The following RRAGC variants were observed in gnomAD, a reference collection of about 807,000 sequenced individuals.
RRAGC encodes ras-related GTP-binding protein C.
A neutral mutation model predicts 37.1 loss-of-function variants in RRAGC; 8 were observed. The ratio of observed to expected loss-of-function variants is 0.22; its 90% CI spans 0.13 to 0.39. The LOEUF (loss-of-function observed/expected upper bound fraction) is 0.39. RRAGC is among the 10% of genes least tolerant of loss of function. The probability of loss-of-function intolerance (pLI) is 1.00; values close to 1 mark genes in which losing one functional copy is unlikely to be tolerated. For synonymous variants in RRAGC, 190 were observed against 181.1 expected, an observed-to-expected ratio of 1.05 and a Z score of -0.39; for missense variants, 342 against 497.6, an observed-to-expected ratio of 0.69 and a Z score of 2.98.
At position 38,855,855 on chromosome 1, in the gene RRAGC, T is replaced by C; in HGVS notation, c.494A>G (p.Tyr165Cys). 1.2e-6 allele frequency: 2 copies of C among 1,613,996 alleles called. No homozygotes were observed. The highest frequency in any genetic ancestry group is 1.7e-6 in the Non-Finnish European group (2 of 1,179,848). Residue 165 changes from tyrosine (Y) to cysteine (C), a missense_variant, in exon 3 of 7, where the codon TAC becomes TGC. Tyr to Cys is a radical substitution (Grantham distance 194, BLOSUM62 -2). Transcript: ENST00000373001. ...TRLHITVSKA[Y>C]KVNPDMNFEV... is the part of the protein sequence containing the mutation. The stretch of plus-strand genomic sequence containing the variant: ...AAAATTCATGTCTGGGTTAACTTTG[T>C]AGGCTTTAGAAACAGTAATGTGAAG...
At chr1:38,859,316 A>C in intron 1 of RRAGC, 94 bp downstream of exon 1, 1 of 1,149,608 alleles carries the variant, frequency 8.7e-7, no homozygotes, top group East Asian at 2.6e-5. Flanking sequence ...GACGGAGCGC[A>C]GGCGGGCCCC....
intron 1 of RRAGC, among the ~76,000 whole-genome samples, chr1:38,857,812 T>C (rs1347187631): frequency 2.0e-5 from 3 of 151,904 alleles, no homozygotes; most frequent in Non-Finnish European, 4.4e-5. Context: ...ATACCAAAAT[T>C]AGTCGGGCGT....
chr1:38,850,512 TAATAAATA>T (rs3072435), intron 5 of RRAGC, among the ~76,000 whole-genome samples: 3,078 of 147,878 alleles, frequency 0.021, 102 homozygotes, highest in African/African-American at 0.069. Context: ...AGACTCCGTT[TAATAAATA>T]AATAAATAAA....
chr1:38,854,030 C>CTTCA (rs1187847925), intron 3 of RRAGC, among the ~76,000 whole-genome samples: 1 of 150,602 alleles, frequency 6.6e-6, no homozygotes, highest in East Asian at 1.9e-4. Context: ...TGAAAAGGAG[C>CTTCA]TTCATCCATA....
At position 38,839,618 on chromosome 1, in the gene RRAGC, G is replaced by A; in HGVS notation, c.1135C>T (p.His379Tyr). Residue 379 changes from histidine (H) to tyrosine (Y), a missense_variant, in exon 7 of 7, where the codon CAC becomes TAC. This residue lies in a region of RRAGC where 104 missense variants were observed against 127.0 expected (regional missense o/e 0.82). Coordinates refer to ENST00000373001, the MANE Select transcript of RRAGC (RefSeq NM_022157.4). The part of the protein sequence containing the change: ...VGVTSHRSCG[H>Y]QTSASSLKAL... ...TTCAGACTGGAGGCACTAGTCTGGT[G>A]ACCACAGCTCCTGTGAGAAGTCACA... 1 of 1,614,102 alleles carries A rather than the reference G, an allele frequency of 6.2e-7. No individual in the cohort carries two copies. The highest frequency in any genetic ancestry group is 8.5e-7 in the Non-Finnish European group (1 of 1,180,006).
intron 1 of RRAGC, 26 bp downstream of exon 1, chr1:38,859,384 G>A (rs964908971): frequency 1.0e-5 from 16 of 1,540,078 alleles, no homozygotes; most frequent in Non-Finnish European, 1.4e-5. Context: ...GGGAGGGGGC[G>A]GGGGACTGGG....
intron 2 of RRAGC, chr1:38,856,633 C>A: frequency 2.9e-6 from 1 of 349,200 alleles, no homozygotes; most frequent in Non-Finnish European, 5.1e-6. Context: ...AAGTGGAAAG[C>A]CAATGTTAGC....
intron 5 of RRAGC, 99 bp downstream of exon 5, chr1:38,851,516 T>C: frequency 9.2e-7 from 1 of 1,082,748 alleles, no homozygotes; most frequent in East Asian, 2.8e-5. Flanking sequence ...GTTCATGTAG[T>C]ACCACTTGCC....
chr1:38,841,435 T>C (rs891001837), intron 6 of RRAGC, among the ~76,000 whole-genome samples: 1 of 151,734 alleles, frequency 6.6e-6, no homozygotes, highest in African/African-American at 2.4e-5. Context: ...GGTACAATCA[T>C]AGCTCACTGT....
intron 6 of RRAGC, among the ~76,000 whole-genome samples, chr1:38,841,125 A>G (rs1467447030): frequency 6.6e-6 from 1 of 152,210 alleles, no homozygotes; most frequent in African/African-American, 2.4e-5. Context: ...TATAATTTTG[A>G]TAACTACTGA....
intron 6 of RRAGC, among the ~76,000 whole-genome samples, chr1:38,843,329 AAAG>A (rs1174496198): frequency 1.3e-5 from 2 of 152,132 alleles, no homozygotes; most frequent in Non-Finnish European, 2.9e-5. Context: ...AAAAAAAAAA[AAAG>A]ATTTTAACTG....
intron 5 of RRAGC, chr1:38,847,728 AAATAC>A (rs1200546760): frequency 6.6e-6 from 1 of 152,198 alleles, no homozygotes; most frequent in Non-Finnish European, 1.5e-5. Context: ...TAAACTACAT[AAATAC>A]AAGAGGACTA....
chr1:38,849,417 G>A (rs936721174), intron 5 of RRAGC, among the ~76,000 whole-genome samples: 1 of 152,152 alleles, frequency 6.6e-6, no homozygotes, highest in African/African-American at 2.4e-5. Context: ...GGCTGGGAGT[G>A]GTAGCTCACG....
intron 1 of RRAGC, among the ~76,000 whole-genome samples, chr1:38,858,436 C>A (rs1557589295): frequency 6.6e-6 from 1 of 152,164 alleles, no homozygotes; most frequent in Non-Finnish European, 1.5e-5. Flanking sequence ...TGGTGACTCA[C>A]ACCTGTAATC....
intron 1 of RRAGC, among the ~76,000 whole-genome samples, chr1:38,857,876 C>T (rs1267226270): frequency 1.3e-5 from 2 of 152,112 alleles, no homozygotes; most frequent in Admixed American, 6.5e-5. Context: ...AGGAGAATCA[C>T]TTGAACCCAG....
chr1:38,854,219 C>T (rs1003452840), intron 3 of RRAGC, among the ~76,000 whole-genome samples: 7 of 152,052 alleles, frequency 4.6e-5, no homozygotes, highest in African/African-American at 1.7e-4. Flanking sequence ...AGGCACACAC[C>T]ACAATGCCCG....
Position 38,855,890 on chromosome 1 carries a change from A to T in RRAGC, c.459T>A (p.Ala153=), listed in dbSNP as rs750359348. 3.7e-6 allele frequency: 6 copies of T among 1,612,998 alleles called. No homozygotes were observed. The highest frequency in any genetic ancestry group is 3.4e-6 in the Non-Finnish European group (4 of 1,179,312). Reference sequence around the variant, plus strand: ...AAACAGTAATGTGAAGTCTTGTTAAAGCCTCCATGTAGTCATCCTGTAAGT... The same window carrying T: ...AAACAGTAATGTGAAGTCTTGTTAATGCCTCCATGTAGTCATCCTGTAAGT... ...VIDAQDDYME[A]LTRLHITVSK... The change falls in exon 3 of 7, where the codon GCT becomes GCA. Residue 153 remains alanine (A), a synonymous_variant. Coordinates refer to ENST00000373001, the MANE Select transcript of RRAGC (RefSeq NM_022157.4).
intron 6 of RRAGC, among the ~76,000 whole-genome samples, chr1:38,843,474 A>C (rs1399407058): frequency 1.3e-5 from 2 of 152,198 alleles, no homozygotes; most frequent in African/African-American, 4.8e-5. Context: ...CAATCCCAGC[A>C]CTTTGGGAGG....
At chr1:38,851,033 C>T (rs1369281829) in intron 5 of RRAGC, among the ~76,000 whole-genome samples, 2 of 152,214 alleles carry the variant, frequency 1.3e-5, no homozygotes, top group African/African-American at 4.8e-5. Flanking sequence ...GCCTATTCTA[C>T]AAAATCACTT....
Sources: allele counts gnomAD v4.1 joint callset (sites outside exome capture counted in the v4.1 genomes callset), GRCh38; gene constraint gnomAD v4.1.1; regional missense constraint gnomAD v4.1.1; transcripts MANE v1.5; gene names NCBI Gene and HGNC (gene_info 2026-07-23, HGNC 2026-07-21).